The following MAPRE1 variants were observed in gnomAD, a reference collection of about 807,000 sequenced individuals.
The protein encoded by MAPRE1 is microtubule associated protein RP/EB family member 1.
Under a neutral mutation model 32.1 loss-of-function variants are expected in MAPRE1, and 5 were observed. The ratio of observed to expected loss-of-function variants is 0.16; its 90% confidence interval spans 0.08 to 0.33. The LOEUF is 0.33. Ranked by LOEUF, MAPRE1 falls within the 10% of genes least tolerant of loss-of-function variation. The pLI is 1.00. For missense variants in MAPRE1, 209 were observed against 327.2 expected, an observed-to-expected ratio of 0.64 and a Z score of 2.79; for synonymous variants, 122 against 118.9, an observed-to-expected ratio of 1.03 and a Z score of -0.17.
At chr20:32,820,361 G>A (rs768276186) in intron 1 of MAPRE1, among the ~76,000 whole-genome samples, 1 of 149,628 alleles carries the variant, frequency 6.7e-6, no homozygotes, top group African/African-American at 2.5e-5. Context: ...GGGTGTGGGC[G>A]AGGTGGGCCG....
chr20:32,840,911 G>A (rs1983339084), intron 5 of MAPRE1, among the ~76,000 whole-genome samples: 1 of 152,148 alleles, frequency 6.6e-6, no homozygotes, highest in Non-Finnish European at 1.5e-5. Flanking sequence ...CGCCTCCCAG[G>A]TTCAAGGGAT....
At chr20:32,820,271 G>GT (rs1211222200) in intron 1 of MAPRE1, among the ~76,000 whole-genome samples, 2 of 151,880 alleles carry the variant, frequency 1.3e-5, no homozygotes, top group Non-Finnish European at 2.9e-5. Flanking sequence ...GCTACGCGGG[G>GT]TGGGGGTTTC....
At chr20:32,847,628 AAGAC>A (rs1429870880) in intron 6 of MAPRE1, among the ~76,000 whole-genome samples, 2 of 152,246 alleles carry the variant, frequency 1.3e-5, no homozygotes, top group Non-Finnish European at 2.9e-5. Flanking sequence ...TAATGAAAAA[AAGAC>A]AACGAAGATA....
At chr20:32,838,185 G>A (rs1983253033) in intron 4 of MAPRE1, among the ~76,000 whole-genome samples, 1 of 152,102 alleles carries the variant, frequency 6.6e-6, no homozygotes, top group African/African-American at 2.4e-5. Flanking sequence ...CCACTTATCT[G>A]CTTTCTGTCT....
At chr20:32,846,087 T>TA (rs1340209225) in intron 5 of MAPRE1, among the ~76,000 whole-genome samples, 4 of 152,212 alleles carry the variant, frequency 2.6e-5, no homozygotes, top group African/African-American at 9.7e-5. Flanking sequence ...CTTGGCTAGA[T>TA]AGAGTCCTGG....
chr20:32,836,054 T>C (rs756640965), intron 3 of MAPRE1, among the ~76,000 whole-genome samples: 2 of 152,160 alleles, frequency 1.3e-5, no homozygotes, highest in Non-Finnish European at 2.9e-5. Flanking sequence ...CTCTGTCTCC[T>C]GGGCTCAAGC....
intron 2 of MAPRE1, among the ~76,000 whole-genome samples, chr20:32,826,551 G>A (rs1326907240): frequency 4.0e-5 from 4 of 101,120 alleles, no homozygotes; most frequent in Non-Finnish European, 5.8e-5. Context: ...TTTTGAGATG[G>A]GGTCTGGCGC....
intron 3 of MAPRE1, among the ~76,000 whole-genome samples, chr20:32,834,701 T>C (rs1983136908): frequency 6.6e-6 from 1 of 152,192 alleles, no homozygotes; most frequent in Admixed American, 6.5e-5. Context: ...CACTTAACTT[T>C]CCAGGCATAG....
chr20:32,849,803 G>C lies in MAPRE1; in HGVS notation c.*1075G>C, dbSNP rs1428964928. On this transcript the variant is annotated 3_prime_UTR_variant, in exon 7 of 7. Transcript: ENST00000375571. ...GTTACCTTGGGATCTGCCAGGCTGG[G>C]GTGTTTTCGGTATCTGCTGTTCACA... 1 of 152,490 alleles carries C rather than the reference G, an allele frequency of 6.6e-6. No homozygotes were observed. Among genetic ancestry groups the C allele is most frequent in the Non-Finnish European group, 1.5e-5 (1 of 68,028 alleles). 9.4% of individuals were successfully genotyped at this position (152,490 alleles called of 1,614,324 possible). A position where few individuals can be genotyped will look rare whatever the true frequency, so the allele number is the denominator to read the frequency against.
intron 3 of MAPRE1, among the ~76,000 whole-genome samples, chr20:32,834,728 A>G (rs964074911): frequency 6.6e-6 from 1 of 152,182 alleles, no homozygotes; most frequent in African/African-American, 2.4e-5. Flanking sequence ...TAGAGTTCAT[A>G]TACAGTAATT....
intron 3 of MAPRE1, among the ~76,000 whole-genome samples, chr20:32,835,121 A>T (rs563417414): frequency 6.6e-6 from 1 of 152,284 alleles, no homozygotes; most frequent in East Asian, 1.9e-4. Context: ...GCTACTCTGG[A>T]GGTTGAGGCA....
At chr20:32,839,604 C>G in intron 4 of MAPRE1, 131 bp from the exon 5 acceptor site, 1 of 1,283,690 alleles carries the variant, frequency 7.8e-7, no homozygotes, top group Non-Finnish European at 1.1e-6. Context: ...CGGGGGCTCT[C>G]TAGCATTGGT....
At chr20:32,838,345 A>G (rs980936372) in intron 4 of MAPRE1, among the ~76,000 whole-genome samples, 2 of 152,158 alleles carry the variant, frequency 1.3e-5, no homozygotes, top group East Asian at 1.9e-4. Context: ...ATTGTGGAAT[A>G]ATATTCCATT....
chr20:32,825,523 A>G (rs1982821089), intron 1 of MAPRE1, among the ~76,000 whole-genome samples: 3 of 151,888 alleles, frequency 2.0e-5, no homozygotes, highest in Admixed American at 2.0e-4. Flanking sequence ...GGCTGGGCGC[A>G]GTGGCTCACA....
intron 2 of MAPRE1, among the ~76,000 whole-genome samples, chr20:32,827,826 T>C (rs1021990694): frequency 1.3e-5 from 2 of 148,976 alleles, no homozygotes; most frequent in African/African-American, 2.5e-5. Flanking sequence ...ACCTGGGAGG[T>C]GGAGGTTGCA....
rs1283726571 is a variant in MAPRE1, at chr20:32,832,499, C to T, written c.122-1218C>T. 2.1e-5 allele frequency among the ~76,000 whole-genome samples: 3 copies of T among 141,234 alleles called. No individual in the cohort carries two copies. In the Admixed American group the frequency reaches 2.2e-4, roughly 10 times the overall value. 92.7% of individuals were successfully genotyped at this position (141,234 alleles called of 152,430 possible). On this transcript the variant is annotated intron_variant, in intron 2 of 6. Transcript: ENST00000375571. ...TTTTTTTTTTTGAGACGAGGTCTCT[C>T]TCTGTCCCCCAGGCTGGAGTGCAGT...
intron 1 of MAPRE1, among the ~76,000 whole-genome samples, chr20:32,824,147 T>G (rs1982777596): frequency 6.6e-6 from 1 of 152,242 alleles, no homozygotes; most frequent in Non-Finnish European, 1.5e-5. Context: ...TGTCAGACTT[T>G]GCACCACTAG....
At position 32,833,718 on chromosome 20, in the gene MAPRE1, G is replaced by T. The variant is rs776487302; in HGVS notation, c.123G>T (p.Gly41=). The stretch of plus-strand genomic sequence containing the variant: ...TTTCTGTTGCCGTTGTTCTTTCAGG[G>T]GCTGCGTATTGTCAGTTTATGGACA... ...NLTKIEQLCS[G]AAYCQFMDML... is the part of the protein sequence containing the mutation. Residue 41 remains glycine (G), a splice_region_variant and synonymous_variant, in exon 3 of 7, where the codon GGG becomes GGT. Transcript: ENST00000375571. 16 of 1,609,650 alleles carry T rather than the reference G, an allele frequency of 9.9e-6. No homozygotes were observed. Among genetic ancestry groups the T allele is most frequent in the Non-Finnish European group, 1.4e-5 (16 of 1,177,730 alleles).
intron 2 of MAPRE1, among the ~76,000 whole-genome samples, chr20:32,826,908 C>G (rs190878493): frequency 6.6e-6 from 1 of 152,072 alleles, no homozygotes; most frequent in African/African-American, 2.4e-5. Flanking sequence ...AGCTCAGCCC[C>G]GACTTCTTGG....
Sources: allele counts gnomAD v4.1 joint callset (sites outside exome capture counted in the v4.1 genomes callset), GRCh38; gene constraint gnomAD v4.1.1; transcripts MANE v1.5; gene names NCBI Gene and HGNC (gene_info 2026-07-23, HGNC 2026-07-21).